The following NIN variants were observed in gnomAD, a reference collection of about 807,000 sequenced individuals.
The protein encoded by NIN is glycogen synthase kinase 3 beta-interacting protein.
Under a neutral mutation model 257.6 loss-of-function variants are expected in NIN, and 137 were observed. The ratio of observed to expected loss-of-function variants is 0.53; its 90% CI spans 0.46 to 0.61. The LOEUF (loss-of-function observed/expected upper bound fraction) is 0.61, where lower values mean the gene tolerates loss of function less well. Among genes scored for constraint, NIN ranks in the 20% least tolerant of loss-of-function variants. The pLI is 0.00. For synonymous variants in NIN, 918 were observed against 919.8 expected, an observed-to-expected ratio of 1.00 and a Z score of 0.04; for missense variants, 2,439 against 2,501.2, an observed-to-expected ratio of 0.98 and a Z score of 0.53.
At chr14:50,734,331 A>T (rs541010697) in intron 28 of NIN, among the ~76,000 whole-genome samples, 1 of 152,164 alleles carries the variant, frequency 6.6e-6, no homozygotes, top group Non-Finnish European at 1.5e-5. Flanking sequence ...ACCTCAGGTG[A>T]TCCACCTGCC....
At chr14:50,808,779 C>T (rs1449944089) in intron 3 of NIN, among the ~76,000 whole-genome samples, 1 of 152,134 alleles carries the variant, frequency 6.6e-6, no homozygotes, top group Non-Finnish European at 1.5e-5. Context: ...ATTTATAATA[C>T]CGCTTCCCTG....
rs565533711 is a variant in NIN, at chr14:50,830,000, A to C, written c.-22+464T>G. Reference sequence around the variant, plus strand: ...CCCTTCTCCTGGGCATTATACTGGGAAACTGTTTACGCGCATCGACCCCGC... The same window carrying C: ...CCCTTCTCCTGGGCATTATACTGGGCAACTGTTTACGCGCATCGACCCCGC... On this transcript the variant is annotated intron_variant, in intron 2 of 30. Transcript: ENST00000530997. Among the ~76,000 whole-genome samples the C allele has an allele frequency of 3.3e-5, 5 of 152,278 alleles. No homozygotes were observed. The East Asian group carries it at 9.6e-4, about 29-fold the overall frequency.
chr14:50,741,509 T>G, intron 25 of NIN, 73 bp downstream of exon 25: 2 of 1,179,920 alleles, frequency 1.7e-6, no homozygotes, highest in Non-Finnish European at 2.3e-6. Context: ...CACATAAAAA[T>G]AACCAAGTTG....
intron 4 of NIN, among the ~76,000 whole-genome samples, chr14:50,797,039 A>G (rs1034584125): frequency 1.3e-5 from 2 of 152,246 alleles, no homozygotes; most frequent in African/African-American, 4.8e-5. Flanking sequence ...TTGCAAAAAC[A>G]TAAGCTCAGG....
Position 50,757,643 on chromosome 14 carries a change from T to G in NIN, c.3387A>C (p.Gln1129His). Residue 1129 changes from glutamine to histidine, a missense_variant, in exon 18 of 31, where the codon CAA (glutamine) becomes CAC (histidine). Around this residue, in one of 3 missense-constraint regions of NIN, gnomAD observed 2,043 missense variants for 2,050.2 expected, o/e 1.00. Coordinates refer to ENST00000530997, the MANE Select transcript of NIN (RefSeq NM_020921.4). The stretch of plus-strand genomic sequence containing the variant: ...CACCTTCTACTTGCTTCGTTCGGTT[T>G]TGCTGTAAAAACTGCTCTGTTTGTT... Reference protein sequence around the residue: ...TAEQTEQFLQQNRTKQVEGVT... With the variant: ...TAEQTEQFLQHNRTKQVEGVT... 6.2e-7 allele frequency: 1 copy of G among 1,614,176 alleles called. No homozygotes were observed. Among genetic ancestry groups the G allele is most frequent in the Non-Finnish European group, 8.5e-7 (1 of 1,180,036 alleles).
At chr14:50,778,986 C>T (rs1166412100) in intron 5 of NIN, among the ~76,000 whole-genome samples, 182 bp from the exon 6 acceptor site, 1 of 152,186 alleles carries the variant, frequency 6.6e-6, no homozygotes, top group Non-Finnish European at 1.5e-5. Flanking sequence ...CCAATCAGGA[C>T]GAGACTCCTA....
intron 3 of NIN, among the ~76,000 whole-genome samples, chr14:50,810,214 G>C (rs987946918): frequency 2.8e-5 from 4 of 143,538 alleles, no homozygotes; most frequent in African/African-American, 1.1e-4. Flanking sequence ...CTGGGCGACA[G>C]AGTGAGACTC....
chr14:50,729,828 A>T (rs2040601121), intron 28 of NIN, 105 bp from the exon 29 acceptor site: 1 of 803,724 alleles, frequency 1.2e-6, no homozygotes, highest in Admixed American at 3.4e-5. Context: ...TTCATTAATA[A>T]CCCCAGACCC....
chr14:50,760,455 TTTTC>T, intron 16 of NIN, 96 bp from the exon 17 acceptor site: 2 of 1,221,674 alleles, frequency 1.6e-6, no homozygotes, highest in Non-Finnish European at 2.2e-6. Flanking sequence ...TTTTTTTTTT[TTTTC>T]CCTACAAGAC....
intron 4 of NIN, among the ~76,000 whole-genome samples, chr14:50,804,093 C>T (rs988190772): frequency 2.6e-5 from 4 of 151,994 alleles, no homozygotes; most frequent in Admixed American, 6.5e-5. Flanking sequence ...GACGGGGTTT[C>T]GTCACGCTGG....
At position 50,756,932 on chromosome 14, in the gene NIN, G is replaced by A. The variant is rs750145306; in HGVS notation, c.4098C>T (p.Leu1366=). 5.1e-6 allele frequency: 8 copies of A among 1,576,816 alleles called. No individual in the cohort carries two copies. The South Asian group carries it at 9.1e-5, about 18-fold the overall frequency. Residue 1366 remains leucine (L), a synonymous_variant, in exon 18 of 31, where the codon CTC becomes CTT. Transcript: ENST00000530997. Reference sequence around the variant, plus strand: ...GCACACACTCTTCCAGTGTCTGATTGAGCTGGAGTATATTTCCATCAGGTT... The same window carrying A: ...GCACACACTCTTCCAGTGTCTGATTAAGCTGGAGTATATTTCCATCAGGTT... The part of the protein sequence containing the change: ...EIEPDGNILQ[L]NQTLEECVPR...
chr14:50,784,752 C>T (rs968840062), intron 5 of NIN, among the ~76,000 whole-genome samples: 1 of 152,202 alleles, frequency 6.6e-6, no homozygotes, highest in African/African-American at 2.4e-5. Context: ...CTTAATAAAG[C>T]TAAGGAAATC....
intron 6 of NIN, 59 bp downstream of exon 6, chr14:50,778,706 G>A (rs1415929062): frequency 1.3e-6 from 2 of 1,486,456 alleles, no homozygotes; most frequent in African/African-American, 1.4e-5. Context: ...AAGACCGGGT[G>A]TGGAGAGCAC....
intron 3 of NIN, among the ~76,000 whole-genome samples, chr14:50,816,316 C>T (rs2044893747): frequency 6.6e-6 from 1 of 152,112 alleles, no homozygotes; most frequent in African/African-American, 2.4e-5. Context: ...GCACATTTAC[C>T]TTTGTAACAA....
chr14:50,724,214 A>T (rs977177602), intron 30 of NIN: 4 of 202,256 alleles, frequency 2.0e-5, no homozygotes, highest in African/African-American at 9.2e-5. Flanking sequence ...TAATCTTTAT[A>T]GTTAGAATAT....
At chr14:50,748,227 A>G in intron 21 of NIN, 122 bp from the exon 22 acceptor site, 1 of 595,572 alleles carries the variant, frequency 1.7e-6, no homozygotes. Context: ...CTGTTTTATG[A>G]CCATTTTTTA....
chr14:50,742,531 C>CT (rs1453470380), intron 24 of NIN: 1 of 152,434 alleles, frequency 6.6e-6, no homozygotes, highest in Non-Finnish European at 1.5e-5. Flanking sequence ...GTAGCTGGGA[C>CT]TACAAGCACT....
chr14:50,753,041 C>A (rs2041861374), intron 20 of NIN, among the ~76,000 whole-genome samples: 1 of 152,112 alleles, frequency 6.6e-6, no homozygotes, highest in South Asian at 2.1e-4. Context: ...AGATTCTTTT[C>A]TTCTCTTTAG....
At chr14:50,753,187 G>C (rs2041869974) in intron 20 of NIN, among the ~76,000 whole-genome samples, 9 of 152,088 alleles carry the variant, frequency 5.9e-5, no homozygotes, top group Admixed American at 5.9e-4. Context: ...ATCACCTGAG[G>C]TCAGGAGTTC....
Sources: allele counts gnomAD v4.1 joint callset (sites outside exome capture counted in the v4.1 genomes callset), GRCh38; gene constraint gnomAD v4.1.1; regional missense constraint gnomAD v4.1.1; transcripts MANE v1.5; gene names NCBI Gene and HGNC (gene_info 2026-07-23, HGNC 2026-07-21).